ESRRG: variants seen among roughly 807,000 people sequenced by gnomAD.
The protein encoded by ESRRG is estrogen-related receptor gamma.
A neutral mutation model predicts 44.0 loss-of-function variants in ESRRG; 13 were observed. The ratio of observed to expected loss-of-function variants is 0.30; its 90% CI spans 0.19 to 0.47. The LOEUF is 0.47. Among genes scored for constraint, ESRRG ranks in the 20% least tolerant of loss-of-function variants. ESRRG has a pLI of 1.00. For missense variants in ESRRG, 395 were observed against 580.6 expected (o/e 0.68, Z 3.29); for synonymous variants, 215 against 214.6 (o/e 1.00, Z -0.02).
intron 3 of ESRRG, among the ~76,000 whole-genome samples, chr1:216,577,082 A>G (rs937063291): frequency 2.0e-5 from 3 of 151,986 alleles, no homozygotes; most frequent in South Asian, 2.1e-4. Flanking sequence ...TAAACATGCA[A>G]TACCTACCAT....
At chr1:216,763,324 A>AAAC (rs1159602911) in intron 2 of ESRRG, among the ~76,000 whole-genome samples, 1 of 152,150 alleles carries the variant, frequency 6.6e-6, no homozygotes, top group Admixed American at 6.6e-5. Flanking sequence ...TCACTAAGAA[A>AAAC]AACAGAAACT....
chr1:216,912,280 G>A (rs1322628004), intron 2 of ESRRG, among the ~76,000 whole-genome samples: 1 of 134,424 alleles, frequency 7.4e-6, no homozygotes, highest in Non-Finnish European at 1.6e-5. Flanking sequence ...GGGGAGGAGA[G>A]GGGAGGAGAG....
At chr1:216,668,531 C>T (rs1185167169) in intron 2 of ESRRG, among the ~76,000 whole-genome samples, 1 of 152,170 alleles carries the variant, frequency 6.6e-6, no homozygotes, top group Admixed American at 6.5e-5. Flanking sequence ...GGACAAAAAT[C>T]TAGTGAGGAT....
In ESRRG at chr1:216,681,158, G is replaced by A. The variant is rs144712828; in HGVS notation, c.57-3667C>T. The stretch of plus-strand genomic sequence containing the variant: ...TTACTATTATTATTTTAAGAGAAAT[G>A]GTGAGATGAACAGGGAGCAAGACCA... On this transcript the variant is annotated intron_variant, in intron 1 of 6. Transcript: ENST00000408911. Among the ~76,000 whole-genome samples, 491 of 152,252 alleles carry A rather than the reference G, an allele frequency of 3.2e-3. 1 individual carries two copies. The highest frequency in any genetic ancestry group is 0.012 in the African/African-American group (482 of 41,550).
chr1:216,524,845 A>T (rs1315423683), intron 5 of ESRRG, among the ~76,000 whole-genome samples: 2 of 152,190 alleles, frequency 1.3e-5, no homozygotes, highest in Non-Finnish European at 2.9e-5. Context: ...AAACTGAGCA[A>T]ATGATCTAAG....
chr1:217,078,600 T>C (rs1446260357), intron 1 of ESRRG, among the ~76,000 whole-genome samples: 3 of 152,192 alleles, frequency 2.0e-5, no homozygotes, highest in African/African-American at 2.4e-5. Context: ...CCACACACTG[T>C]TACTGGCTGG....
intron 1 of ESRRG, among the ~76,000 whole-genome samples, chr1:216,970,754 T>C (rs1351530440): frequency 1.3e-5 from 2 of 152,226 alleles, no homozygotes; most frequent in African/African-American, 4.8e-5. Flanking sequence ...TTCACAAATA[T>C]TTGAATGTCC....
At chr1:217,074,568 T>G (rs2091037585) in intron 1 of ESRRG, among the ~76,000 whole-genome samples, 1 of 152,052 alleles carries the variant, frequency 6.6e-6, no homozygotes, top group South Asian at 2.1e-4. Flanking sequence ...GTAGGTGCAG[T>G]GGCTCATGCC....
chr1:217,060,118 T>C (rs145741496), intron 1 of ESRRG, among the ~76,000 whole-genome samples: 120 of 152,140 alleles, frequency 7.9e-4, no homozygotes, highest in South Asian at 1.5e-3. Context: ...ATAATATGCA[T>C]ATATATGTAT....
At chr1:216,828,855 C>T (rs1002259629) in intron 2 of ESRRG, among the ~76,000 whole-genome samples, 1 of 152,116 alleles carries the variant, frequency 6.6e-6, no homozygotes, top group African/African-American at 2.4e-5. Context: ...AACTTATCAT[C>T]CTAGTCTGTG....
At position 216,521,904 on chromosome 1, in the gene ESRRG, A is replaced by G. The variant is rs749331962; in HGVS notation, c.863-2483T>C. 5.3e-5 allele frequency among the ~76,000 whole-genome samples: 8 copies of G among 152,100 alleles called. No individual in the cohort carries two copies. In the East Asian group the frequency reaches 9.7e-4, roughly 18 times the overall value. On this transcript the variant is annotated intron_variant, in intron 5 of 6. Transcript: ENST00000408911. ...ATGGAAGGATCAATACGGAGAAGAA[A>G]AGAGGCATCAATGTGAATTTAGTGC...
At chr1:216,753,848 G>C (rs1049100931) in intron 2 of ESRRG, among the ~76,000 whole-genome samples, 1 of 151,976 alleles carries the variant, frequency 6.6e-6, no homozygotes, top group Non-Finnish European at 1.5e-5. Context: ...GTGGGGAGTC[G>C]TAAGAAGGAC....
At chr1:217,073,538 A>G (rs2090879459) in intron 1 of ESRRG, among the ~76,000 whole-genome samples, 1 of 152,192 alleles carries the variant, frequency 6.6e-6, no homozygotes, top group South Asian at 2.1e-4. Flanking sequence ...CCTGTTCAAT[A>G]GCAGGAGAAA....
At chr1:217,093,166 A>G (rs59902443), upstream of ESRRG, among the ~76,000 whole-genome samples, 24,221 of 152,168 alleles carry the variant, frequency 0.16, 2,350 homozygotes, top group African/African-American at 0.26. Context: ...TAGGCAGGAG[A>G]TATGTGATCT....
chr1:217,032,988 C>A (rs897769110), intron 1 of ESRRG, among the ~76,000 whole-genome samples: 1 of 152,122 alleles, frequency 6.6e-6, no homozygotes, highest in African/African-American at 2.4e-5. Flanking sequence ...CACGTGCCTG[C>A]AGCAACCCAT....
chr1:216,613,351 C>T (rs2060936567), intron 3 of ESRRG, among the ~76,000 whole-genome samples: 1 of 152,086 alleles, frequency 6.6e-6, no homozygotes, highest in South Asian at 2.1e-4. Flanking sequence ...TTAATCTCTG[C>T]AGTAAGAAGT....
intron 1 of ESRRG, among the ~76,000 whole-genome samples, chr1:216,969,912 T>C (rs921032747): frequency 1.3e-5 from 2 of 152,098 alleles, no homozygotes; most frequent in African/African-American, 4.8e-5. Context: ...AATGTTAAAT[T>C]TGTGATGTTT....
chr1:216,537,674 G>T lies in ESRRG; in HGVS notation c.863-18253C>A, dbSNP rs540494748. On this transcript the variant is annotated intron_variant, in intron 5 of 6. Transcript: ENST00000408911. ...TTTGAACAAAAAGGAGACAGGATCT[G>T]ATTTGTATTTTGAAAGCTGACTAGG... Among the ~76,000 whole-genome samples, 9 of 152,168 alleles carry T rather than the reference G, an allele frequency of 5.9e-5. No homozygotes were observed. The East Asian group carries it at 1.4e-3, about 23-fold the overall frequency.
intron 1 of ESRRG, among the ~76,000 whole-genome samples, chr1:216,994,910 T>C (rs2076189741): frequency 6.6e-6 from 1 of 152,178 alleles, no homozygotes; most frequent in Non-Finnish European, 1.5e-5. Context: ...TAAATTTGCC[T>C]ACAACCCTCA....
Sources: gnomAD v4.1 joint callset for allele counts (sites outside exome capture counted in the v4.1 genomes callset) on GRCh38, gnomAD v4.1.1 for gene constraint, MANE v1.5 for transcripts, NCBI Gene and HGNC (gene_info 2026-07-23, HGNC 2026-07-21) for gene names.